APBB1IP: variants seen among roughly 807,000 people sequenced by gnomAD.
APBB1IP encodes the protein amyloid beta A4 precursor protein-binding family B member 1-interacting protein.
In APBB1IP, 27 loss-of-function variants were observed where a neutral mutation model predicts 64.9. That is an observed-to-expected ratio of 0.42 (90% CI 0.31 to 0.57). The LOEUF is 0.57. Ranked by LOEUF, APBB1IP falls within the 20% of genes least tolerant of loss-of-function variation. The pLI is 0.20. For synonymous variants in APBB1IP, 392 were observed against 331.0 expected, an observed-to-expected ratio of 1.18 and a Z score of -2.00; for missense variants, 812 against 845.5, an observed-to-expected ratio of 0.96 and a Z score of 0.49.
chr10:26,502,717 G>A (rs1836121711), intron 5 of APBB1IP, among the ~76,000 whole-genome samples: 1 of 151,788 alleles, frequency 6.6e-6, no homozygotes, highest in Admixed American at 6.6e-5. Flanking sequence ...ATAAAAAATT[G>A]GAAATCCCCA....
chr10:26,564,789 C>T (rs570959143), intron 14 of APBB1IP, among the ~76,000 whole-genome samples: 78 of 151,406 alleles, frequency 5.2e-4, no homozygotes, highest in African/African-American at 1.9e-3. Flanking sequence ...GGTGACAGAA[C>T]GAGACTCTGC....
chr10:26,532,455 G>C (rs770887190), intron 8 of APBB1IP, among the ~76,000 whole-genome samples: 34 of 152,026 alleles, frequency 2.2e-4, no homozygotes, highest in Admixed American at 3.3e-4. Context: ...GAGTCCACTT[G>C]TGAGTTCTTT....
chr10:26,549,888 T>G (rs1836809420), intron 11 of APBB1IP, among the ~76,000 whole-genome samples: 1 of 152,118 alleles, frequency 6.6e-6, no homozygotes, highest in African/African-American at 2.4e-5. Flanking sequence ...CCTACTAATT[T>G]GGGGTTTAGT....
chr10:26,537,840 A>G (rs563571261), intron 10 of APBB1IP, among the ~76,000 whole-genome samples: 1 of 151,730 alleles, frequency 6.6e-6, no homozygotes, highest in African/African-American at 2.4e-5. Flanking sequence ...AGGGTGAGGC[A>G]CGGGAATCAC....
chr10:26,551,503 C>T lies in APBB1IP; in HGVS notation c.1156-8602C>T, dbSNP rs572257999. Among the ~76,000 whole-genome samples the T allele has an allele frequency of 5.1e-4, 77 of 152,244 alleles. 1 individual carries two copies. The highest frequency in any genetic ancestry group is 1.7e-3 in the African/African-American group (71 of 41,552). On this transcript the variant is annotated intron_variant, in intron 11 of 14. Transcript: ENST00000376236. Reference sequence around the variant, plus strand: ...TAGCCCTCATAAAGGCACTTTTGTGCGTGGATAGAAGCCGTTCCTTCATGC... The same window carrying T: ...TAGCCCTCATAAAGGCACTTTTGTGTGTGGATAGAAGCCGTTCCTTCATGC...
chr10:26,499,371 T>G (rs1265654895), intron 4 of APBB1IP, among the ~76,000 whole-genome samples: 2 of 152,050 alleles, frequency 1.3e-5, no homozygotes, highest in African/African-American at 2.4e-5. Flanking sequence ...AAATAAACTG[T>G]TTTTACACGT....
intron 2 of APBB1IP, among the ~76,000 whole-genome samples, chr10:26,481,713 C>T (rs530371340): frequency 6.6e-6 from 1 of 152,028 alleles, no homozygotes; most frequent in East Asian, 1.9e-4. Context: ...GTTTTGAACT[C>T]CTGGCCTCAA....
chr10:26,445,692 A>C (rs1424040530), intron 2 of APBB1IP, among the ~76,000 whole-genome samples: 1 of 152,244 alleles, frequency 6.6e-6, no homozygotes, highest in Admixed American at 6.5e-5. Context: ...GAGGTTTCAA[A>C]TGTTTAGAAT....
intron 5 of APBB1IP, among the ~76,000 whole-genome samples, chr10:26,502,132 C>T (rs1444704149): frequency 6.6e-6 from 1 of 152,118 alleles, no homozygotes; most frequent in Non-Finnish European, 1.5e-5. Flanking sequence ...GGCTCAAAAA[C>T]AATTTGAGAA....
At chr10:26,502,514 C>T (rs987576445) in intron 5 of APBB1IP, among the ~76,000 whole-genome samples, 17 of 152,006 alleles carry the variant, frequency 1.1e-4, no homozygotes, top group Admixed American at 5.2e-4. Flanking sequence ...TGGTGGCAGG[C>T]GCCTGTAGTC....
intron 10 of APBB1IP, among the ~76,000 whole-genome samples, chr10:26,538,246 A>T (rs1836652381): frequency 6.6e-6 from 1 of 152,230 alleles, no homozygotes; most frequent in Admixed American, 6.5e-5. Flanking sequence ...CAGAAAATGC[A>T]AAATACCTAA....
intron 8 of APBB1IP, among the ~76,000 whole-genome samples, chr10:26,525,635 G>A (rs1836464872): frequency 6.6e-6 from 1 of 152,146 alleles, no homozygotes; most frequent in Non-Finnish European, 1.5e-5. Flanking sequence ...CCTGTGTAGG[G>A]GAGAAAGAGC....
rs528872921 is a variant in APBB1IP, at chr10:26,525,337, A to G, written c.814-8102A>G. Among the ~76,000 whole-genome samples, 64 of 151,972 alleles carry G rather than the reference A, an allele frequency of 4.2e-4. 2 individuals are homozygous for G. The South Asian group carries it at 6.2e-3, about 15-fold the overall frequency. ...CTTCTACTTAGCATAAAAATACATA[A>G]TTTGCTTCTTTGGGTCTTGATTTCT... On this transcript the variant is annotated intron_variant, in intron 8 of 14. Transcript: ENST00000376236.
chr10:26,547,396 GT>G (rs1836779377), intron 11 of APBB1IP, among the ~76,000 whole-genome samples: 1 of 151,732 alleles, frequency 6.6e-6, no homozygotes, highest in South Asian at 2.1e-4. Context: ...CAGATTCACC[GT>G]TTTGGGTCTT....
Position 26,511,952 on chromosome 10 carries a change from G to A in APBB1IP, c.691+46G>A. 2.5e-6 allele frequency: 4 copies of A among 1,602,690 alleles called. No individual in the cohort carries two copies. The South Asian group carries it at 4.4e-5, about 18-fold the overall frequency. ...TGGGCTGTACTCCAAAAACCTTGTG[G>A]GTTTGCTGTATAATGGGCTTGGGTT... On this transcript the variant is annotated intron_variant, in intron 7 of 14. Coordinates refer to ENST00000376236, the MANE Select transcript of APBB1IP (RefSeq NM_019043.4).
chr10:26,499,604 A>G (rs534670337), intron 4 of APBB1IP, among the ~76,000 whole-genome samples: 2 of 152,144 alleles, frequency 1.3e-5, no homozygotes, highest in South Asian at 2.1e-4. Context: ...TCCTTTGTTC[A>G]TTACATTCAC....
chr10:26,533,885 G>A (rs1409929040), intron 9 of APBB1IP, among the ~76,000 whole-genome samples: 1 of 151,868 alleles, frequency 6.6e-6, no homozygotes, highest in African/African-American at 2.4e-5. Context: ...CATTTTAGAC[G>A]TGGTAGGAAG....
At chr10:26,490,753 T>C (rs2132429237) in intron 2 of APBB1IP, among the ~76,000 whole-genome samples, 1 of 152,362 alleles carries the variant, frequency 6.6e-6, no homozygotes, top group Non-Finnish European at 1.5e-5. Context: ...ATCAGTCCAG[T>C]TGAAAATTAT....
chr10:26,545,233 A>T (rs572301111), intron 11 of APBB1IP, among the ~76,000 whole-genome samples: 1 of 152,374 alleles, frequency 6.6e-6, no homozygotes, highest in African/African-American at 2.4e-5. Flanking sequence ...TTAAAAAAAT[A>T]AAAACTCTTG....
Sources: gnomAD v4.1 joint callset for allele counts (sites outside exome capture counted in the v4.1 genomes callset) on GRCh38, gnomAD v4.1.1 for gene constraint, MANE v1.5 for transcripts, NCBI Gene and HGNC (gene_info 2026-07-23, HGNC 2026-07-21) for gene names.